The following ATP2B2 variants were observed in gnomAD, a reference collection of about 807,000 sequenced individuals.
The protein encoded by ATP2B2 is ATPase plasma membrane Ca2+ transporting 2, also known as plasma membrane calcium-transporting ATPase 2.
In ATP2B2, 15 loss-of-function variants were observed where a neutral mutation model predicts 120.0. The observed-to-expected ratio is 0.12, with a 90% CI of 0.08 to 0.19. The LOEUF (loss-of-function observed/expected upper bound fraction) is 0.19, where lower values mean the gene tolerates loss of function less well. Ranked by LOEUF, ATP2B2 falls within the 10% of genes least tolerant of loss-of-function variation. ATP2B2 has a pLI of 1.00. For synonymous variants in ATP2B2, 694 were observed against 700.3 expected (o/e 0.99, Z 0.14); for missense variants, 1,045 against 1,719.8 (o/e 0.61, Z 6.94).
At chr3:10,392,701 G>A (rs1054952041) in intron 5 of ATP2B2, among the ~76,000 whole-genome samples, 1 of 152,204 alleles carries the variant, frequency 6.6e-6, no homozygotes, top group African/African-American at 2.4e-5. Flanking sequence ...GCACGGGGAG[G>A]GGTAGAGAGA....
At chr3:10,594,504 G>C (rs990452803) in intron 2 of ATP2B2, among the ~76,000 whole-genome samples, 2 of 149,944 alleles carry the variant, frequency 1.3e-5, no homozygotes, top group Non-Finnish European at 2.9e-5. Context: ...ACTCACAGGT[G>C]GGAATTGAAC....
intron 2 of ATP2B2, among the ~76,000 whole-genome samples, chr3:10,428,192 C>T (rs939079205): frequency 6.6e-6 from 1 of 152,118 alleles, no homozygotes; most frequent in Non-Finnish European, 1.5e-5. Context: ...GGATTATACT[C>T]GAACCCTAGA....
At chr3:10,361,533 C>G (rs111557221) in intron 12 of ATP2B2, among the ~76,000 whole-genome samples, 1 of 152,236 alleles carries the variant, frequency 6.6e-6, no homozygotes, top group Non-Finnish European at 1.5e-5. Context: ...CGCCGCAGGG[C>G]CGTGTGAACA....
chr3:10,346,017 T>G lies in ATP2B2; in HGVS notation c.2511+14A>C. 1 of 1,607,220 alleles carries G rather than the reference T, an allele frequency of 6.2e-7. No homozygotes were observed. Among genetic ancestry groups the G allele is most frequent in the Non-Finnish European group, 8.5e-7 (1 of 1,178,398 alleles). On this transcript the variant is annotated intron_variant, in intron 17 of 22. Coordinates refer to ENST00000360273, the MANE Select transcript of ATP2B2 (RefSeq NM_001001331.4). This position sits in a 1 kb window ranked among gnomAD's most constrained non-coding sequence, Gnocchi z 4.1. ...AGCCCCCACCACCCCAGGCCCTCTG[T>G]GGGCCGTTCCTACCATGGCGAAGCC...
chr3:10,329,139 A>T lies in ATP2B2; in HGVS notation c.3421-14T>A. The T allele has an allele frequency of 1.2e-6, 2 of 1,607,196 alleles. No homozygotes were observed. Among genetic ancestry groups the T allele is most frequent in the Non-Finnish European group, 1.7e-6 (2 of 1,177,248 alleles). On this transcript the variant is annotated splice_polypyrimidine_tract_variant and intron_variant, in intron 22 of 22. Coordinates refer to ENST00000360273, the MANE Select transcript of ATP2B2 (RefSeq NM_001001331.4). The surrounding 1 kb of genome is among the most constrained non-coding windows in gnomAD (Gnocchi z 5.9). ...CACGACGCGGATCTGCAAGGGAAGC[A>T]CAGGGGTCAGGAGCACTGCCCAGGG...
At chr3:10,339,407 C>A (rs1480627923) in intron 21 of ATP2B2, among the ~76,000 whole-genome samples, 1 of 152,206 alleles carries the variant, frequency 6.6e-6, no homozygotes, top group Non-Finnish European at 1.5e-5. Flanking sequence ...CCCATGGGGT[C>A]CCACTGCCTG....
chr3:10,493,311 G>A (rs551706613), intron 1 of ATP2B2, among the ~76,000 whole-genome samples: 5 of 152,306 alleles, frequency 3.3e-5, no homozygotes, highest in African/African-American at 1.2e-4. Context: ...TTACCACTCA[G>A]CTTGATGAGA....
At position 10,359,038 on chromosome 3, in the gene ATP2B2, G is replaced by A; in HGVS notation, c.1902-113C>T. On this transcript the variant is annotated intron_variant, in intron 13 of 22. Coordinates refer to ENST00000360273, the MANE Select transcript of ATP2B2 (RefSeq NM_001001331.4). ...AGCTAGCTGTGGCTGGTCATCCAGT[G>A]CCCATCTAGTTCATCCCCCAGGCAG... 10 of 1,022,892 alleles carry A rather than the reference G, an allele frequency of 9.8e-6. No individual in the cohort carries two copies. The South Asian group carries it at 1.5e-4, about 15-fold the overall frequency. The allele number at this position is 1,022,892 out of a possible 1,614,324, so 63.4% of individuals were successfully genotyped here. A position where few individuals can be genotyped will look rare whatever the true frequency, so the allele number is the denominator to read the frequency against.
At chr3:10,584,288 G>A (rs1575524579) in intron 2 of ATP2B2, among the ~76,000 whole-genome samples, 1 of 152,168 alleles carries the variant, frequency 6.6e-6, no homozygotes, top group Non-Finnish European at 1.5e-5. Context: ...AGGCTATGGA[G>A]GCATTTCCTG....
chr3:10,363,861 G>T (rs1309621129), intron 12 of ATP2B2, among the ~76,000 whole-genome samples: 2 of 152,202 alleles, frequency 1.3e-5, no homozygotes, highest in Non-Finnish European at 2.9e-5. Context: ...ATATGATCCA[G>T]AAAGTCTGAT....
intron 2 of ATP2B2, among the ~76,000 whole-genome samples, chr3:10,537,412 G>C (rs2067342674): frequency 1.3e-5 from 2 of 152,040 alleles, no homozygotes; most frequent in South Asian, 2.1e-4. Flanking sequence ...CCTATAGATT[G>C]GTTAAATTTA....
chr3:10,453,092 T>G (rs1190774754), intron 1 of ATP2B2, among the ~76,000 whole-genome samples: 1 of 152,204 alleles, frequency 6.6e-6, no homozygotes, highest in Non-Finnish European at 1.5e-5. Flanking sequence ...GCACTCTGAG[T>G]GTTTTACAGA....
chr3:10,561,672 A>C (rs1041277668), intron 2 of ATP2B2, among the ~76,000 whole-genome samples: 1 of 152,146 alleles, frequency 6.6e-6, no homozygotes, highest in Non-Finnish European at 1.5e-5. Flanking sequence ...TACTGTTCTC[A>C]CGGTAGTGAA....
chr3:10,488,138 CTCCCACCCACCCACCT>C (rs2065768744), intron 1 of ATP2B2, among the ~76,000 whole-genome samples: 2 of 150,968 alleles, frequency 1.3e-5, no homozygotes, highest in African/African-American at 4.9e-5. Flanking sequence ...TCCATCCATC[CTCCCACCCACCCACCT>C]ATCCATGCAT....
chr3:10,649,801 C>T (rs1038356421), intron 1 of ATP2B2, among the ~76,000 whole-genome samples: 3 of 152,176 alleles, frequency 2.0e-5, no homozygotes, highest in African/African-American at 7.2e-5. Flanking sequence ...GTGAATAAGT[C>T]TCACAAGATC....
At chr3:10,406,432 C>T (rs75573346) in intron 3 of ATP2B2, among the ~76,000 whole-genome samples, 3,266 of 152,346 alleles carry the variant, frequency 0.021, 63 homozygotes, top group Non-Finnish European at 0.035. Context: ...ACTGCATTTA[C>T]CGCAGTGGTC....
intron 10 of ATP2B2, among the ~76,000 whole-genome samples, chr3:10,376,503 C>T (rs116206217): frequency 0.016 from 2,373 of 152,246 alleles, 30 homozygotes; most frequent in Non-Finnish European, 0.022. Flanking sequence ...AAGAGAAATG[C>T]TGTAACGGTA....
chr3:10,672,814 G>T (rs2071133690), intron 1 of ATP2B2, among the ~76,000 whole-genome samples: 1 of 152,226 alleles, frequency 6.6e-6, no homozygotes, highest in Non-Finnish European at 1.5e-5. Flanking sequence ...CTGAAGGGAA[G>T]CCAAAGGGCT....
Position 10,410,823 on chromosome 3 carries a change from C to G in ATP2B2, c.200-8G>C. 6.2e-7 allele frequency: 1 copy of G among 1,613,002 alleles called. No homozygotes were observed. ...GAGCGGTGCCCGGCAAACCTGTGGA[C>G]AGAGAACAGAGAGGTTGGCTGGGGG... is the stretch of plus-strand genomic sequence containing the variant. On this transcript the variant is annotated splice_region_variant and splice_polypyrimidine_tract_variant and intron_variant, in intron 2 of 22. Coordinates refer to ENST00000360273, the MANE Select transcript of ATP2B2 (RefSeq NM_001001331.4).
Sources: gnomAD v4.1 joint callset for allele counts (sites outside exome capture counted in the v4.1 genomes callset) on GRCh38, gnomAD v4.1.1 for gene constraint, Gnocchi (gnomAD v3.1) non-coding constraint, MANE v1.5 for transcripts, NCBI Gene and HGNC (gene_info 2026-07-23, HGNC 2026-07-21) for gene names.